Variants in CLMP observed in about 807,000 individuals in gnomAD.
CLMP encodes the protein CXADR-like membrane protein.
CLMP carries 27 observed loss-of-function variants against 45.2 expected under a neutral mutation model. That is an observed-to-expected ratio of 0.60 (90% confidence interval 0.44 to 0.82). CLMP has a LOEUF of 0.82. Ranked by LOEUF, CLMP falls within the 40% of genes least tolerant of loss-of-function variation. The pLI is 0.00. For missense variants in CLMP, 403 were observed against 448.4 expected (o/e 0.90, Z 0.91); for synonymous variants, 167 against 171.4 (o/e 0.97, Z 0.20).
intron 1 of CLMP, among the ~76,000 whole-genome samples, chr11:123,106,705 G>T (rs1317111298): frequency 6.6e-6 from 1 of 152,122 alleles, no homozygotes; most frequent in South Asian, 2.1e-4. Flanking sequence ...CACACACTCA[G>T]CAAATGGCAA....
At chr11:123,148,613 G>A (rs1861270894) in intron 1 of CLMP, among the ~76,000 whole-genome samples, 1 of 152,182 alleles carries the variant, frequency 6.6e-6, no homozygotes, top group African/African-American at 2.4e-5. Flanking sequence ...TGGACAGTAG[G>A]AATCTTTACC....
At chr11:123,074,959 GT>G (rs113357442) in intron 5 of CLMP, 116 bp from the exon 6 acceptor site, 65,173 of 926,604 alleles carry the variant, frequency 0.07, 1,269 homozygotes, top group African/African-American at 0.23. Context: ...TGTTTGTTTT[GT>G]TTTTTTTTTT....
intron 1 of CLMP, among the ~76,000 whole-genome samples, chr11:123,102,253 A>T: frequency 6.9e-6 from 1 of 145,662 alleles, no homozygotes; most frequent in African/African-American, 2.5e-5. Context: ...AGAACCTAAG[A>T]TTGGCCCTTT....
At chr11:123,141,151 C>CA in intron 1 of CLMP, among the ~76,000 whole-genome samples, 1 of 135,118 alleles carries the variant, frequency 7.4e-6, no homozygotes, top group South Asian at 2.6e-4. Flanking sequence ...TTTCTTTGTA[C>CA]ATTATCCAAT....
chr11:123,167,122 T>C (rs1292310455), intron 1 of CLMP, among the ~76,000 whole-genome samples: 1 of 152,190 alleles, frequency 6.6e-6, no homozygotes, highest in Non-Finnish European at 1.5e-5. Context: ...TGATGAGTGA[T>C]AGCGATTACT....
At chr11:123,076,962 A>C (rs1865747702) in intron 5 of CLMP, among the ~76,000 whole-genome samples, 1 of 150,950 alleles carries the variant, frequency 6.6e-6, no homozygotes, top group Non-Finnish European at 1.5e-5. Context: ...ATATTTTGGA[A>C]GTCTAATCAA....
intron 1 of CLMP, among the ~76,000 whole-genome samples, chr11:123,108,947 T>C (rs939597904): frequency 6.7e-6 from 1 of 149,964 alleles, no homozygotes; most frequent in Non-Finnish European, 1.5e-5. Flanking sequence ...TAATCCCAGC[T>C]ACTTGGGAGG....
intron 2 of CLMP, among the ~76,000 whole-genome samples, chr11:123,092,790 G>C (rs1265070105): frequency 6.6e-6 from 1 of 150,526 alleles, no homozygotes; most frequent in African/African-American, 2.5e-5. Flanking sequence ...AGTAGAGATG[G>C]GGTTTCACCA....
chr11:123,169,507 CCAGTCTCCAAGAAGGA>C (rs1463276772), intron 1 of CLMP, among the ~76,000 whole-genome samples: 12 of 152,198 alleles, frequency 7.9e-5, no homozygotes, highest in Admixed American at 2.6e-4. Flanking sequence ...TGTCCATCTT[CCAGTCTCCAAGAAGGA>C]CAGTGTCCAA....
intron 2 of CLMP, among the ~76,000 whole-genome samples, chr11:123,087,703 C>G (rs985411268): frequency 6.6e-6 from 1 of 151,330 alleles, no homozygotes; most frequent in Non-Finnish European, 1.5e-5. Context: ...TGCCTGTAGT[C>G]CCAGCTACTA....
intron 1 of CLMP, among the ~76,000 whole-genome samples, chr11:123,160,017 G>A (rs1453181979): frequency 1.3e-5 from 2 of 152,112 alleles, no homozygotes; most frequent in South Asian, 2.1e-4. Context: ...GGTGGCCCAC[G>A]CCTGCAATCC....
chr11:123,073,708 G>A lies in CLMP; in HGVS notation c.888C>T (p.Ser296=), dbSNP rs142239120. 5.6e-3 allele frequency: 9,102 copies of A among 1,614,078 alleles called. 39 individuals are homozygous for A. The highest frequency in any genetic ancestry group is 7.0e-3 in the Non-Finnish European group (8,291 of 1,179,938). Residue 296 remains serine, a synonymous_variant, in exon 7 of 7, where the codon AGC becomes AGT. Transcript: ENST00000448775. Reference sequence around the variant, plus strand: ...GAGTGGAGGAAGAACCAGAGCGTGAGCTCCGAGAGCCTGAGGAAGAGGAGC... The same window carrying A: ...GAGTGGAGGAAGAACCAGAGCGTGAACTCCGAGAGCCTGAGGAAGAGGAGC... The part of the protein sequence containing the change: ...KPSSSSSGSR[S]SRSGSSSTRS...
chr11:123,118,995 TTCTTTCTCTCTCTCTCTCTCTC>T, intron 1 of CLMP, among the ~76,000 whole-genome samples: 9 of 18,406 alleles, frequency 4.9e-4, no homozygotes, highest in African/African-American at 1.7e-3. Flanking sequence ...CTTTCTTTCT[TTCTTTCTCTCTCTCTCTCTCTC>T]TCTCTCTCTC....
At chr11:123,089,682 C>T (rs1330766711) in intron 2 of CLMP, among the ~76,000 whole-genome samples, 1 of 148,202 alleles carries the variant, frequency 6.7e-6, no homozygotes, top group African/African-American at 2.5e-5. Context: ...GAGGCTGAGG[C>T]AGGAGAATGG....
chr11:123,188,157 G>A (rs181164156), intron 1 of CLMP, among the ~76,000 whole-genome samples: 152 of 152,262 alleles, frequency 1.0e-3, no homozygotes, highest in Non-Finnish European at 1.8e-3. Context: ...TTGTACGATC[G>A]GGGTCTCAGA....
intron 1 of CLMP, among the ~76,000 whole-genome samples, chr11:123,150,532 G>GGCAGGCAGGC (rs766986302): frequency 5.4e-5 from 6 of 111,172 alleles, no homozygotes; most frequent in African/African-American, 2.3e-4. Flanking sequence ...AGGAAGGAAA[G>GGCAGGCAGGC]AAACAAGCAA....
At position 123,073,284 on chromosome 11, in the gene CLMP, C is replaced by T. The variant is rs1865694962; in HGVS notation, c.*190G>A. On this transcript the variant is annotated 3_prime_UTR_variant, in exon 7 of 7. Transcript: ENST00000448775. Reference sequence around the variant, plus strand: ...ATAAGATGCCTTTTTACAGATGAATCAGCTTACATCCTTTTGCTTGTTTGG... The same window carrying T: ...ATAAGATGCCTTTTTACAGATGAATTAGCTTACATCCTTTTGCTTGTTTGG... The T allele has an allele frequency of 3.3e-6, 2 of 597,402 alleles. No homozygotes were observed. The highest frequency in any genetic ancestry group is 5.6e-6 in the Non-Finnish European group (2 of 357,324). The allele number at this position is 597,402 out of a possible 1,614,324, so 37.0% of individuals were successfully genotyped here.
intron 1 of CLMP, among the ~76,000 whole-genome samples, chr11:123,158,424 A>G (rs1052453226): frequency 2.0e-5 from 3 of 152,198 alleles, no homozygotes; most frequent in Non-Finnish European, 4.4e-5. Flanking sequence ...TTTGAGTGCC[A>G]GTCTCCTCCA....
At chr11:123,147,900 A>G (rs1861261141) in intron 1 of CLMP, among the ~76,000 whole-genome samples, 1 of 151,540 alleles carries the variant, frequency 6.6e-6, no homozygotes, top group East Asian at 1.9e-4. Context: ...GCAGCCTCGA[A>G]CTGCTGACCT....
Sources: gnomAD v4.1 joint callset for allele counts (sites outside exome capture counted in the v4.1 genomes callset) on GRCh38, gnomAD v4.1.1 for gene constraint, MANE v1.5 for transcripts, NCBI Gene and HGNC (gene_info 2026-07-23, HGNC 2026-07-21) for gene names.